Variants in UFM1 observed in about 807,000 individuals in gnomAD.
The protein encoded by UFM1 is ubiquitin fold modifier 1.
Under a neutral mutation model 15.4 loss-of-function variants are expected in UFM1, and 9 were observed. That is an observed-to-expected ratio of 0.59 (90% confidence interval 0.35 to 1.02). The LOEUF is 1.02. UFM1 is among the 50% of genes least tolerant of loss of function. The pLI is 0.02. For synonymous variants in UFM1, 27 were observed against 36.3 expected, an observed-to-expected ratio of 0.74 and a Z score of 0.92; for missense variants, 98 against 104.7, an observed-to-expected ratio of 0.94 and a Z score of 0.28.
At chr13:38,356,756 C>CACT (rs1879118806) in intron 3 of UFM1, among the ~76,000 whole-genome samples, 2 of 148,440 alleles carry the variant, frequency 1.3e-5, no homozygotes, top group Non-Finnish European at 3.0e-5. Context: ...TCAAAAAATA[C>CACT]GAGAAACACT....
intron 2 of UFM1, 155 bp downstream of exon 2, chr13:38,350,210 C>A (rs1197360749): frequency 1.2e-6 from 2 of 1,611,724 alleles, no homozygotes; most frequent in African/African-American, 2.7e-5. Context: ...CCTTTCCCAC[C>A]GGAGCCTGCG....
intron 3 of UFM1, among the ~76,000 whole-genome samples, chr13:38,356,330 T>C (rs1053097902): frequency 1.3e-5 from 2 of 151,884 alleles, no homozygotes; most frequent in Non-Finnish European, 3.0e-5. Context: ...TTTGGAAATC[T>C]GAGAGGCCTA....
chr13:38,349,992 TC>T lies in UFM1; in HGVS notation c.3-5del. Reference sequence around the variant, plus strand: ...CGACCCTGACTCTCTCCCGCTCTTTTCCTCAGGTCGAAGGTTTCCTTTAAGA... The same window carrying T: ...CGACCCTGACTCTCTCCCGCTCTTTTCTCAGGTCGAAGGTTTCCTTTAAGA... On this transcript the variant is annotated splice_region_variant and splice_polypyrimidine_tract_variant and intron_variant, in intron 1 of 5. Coordinates refer to ENST00000239878, the MANE Select transcript of UFM1 (RefSeq NM_016617.4). 1 of 1,614,054 alleles carries T rather than the reference TC, an allele frequency of 6.2e-7. No individual in the cohort carries two copies. The highest frequency in any genetic ancestry group is 8.5e-7 in the Non-Finnish European group (1 of 1,179,884).
intron 2 of UFM1, among the ~76,000 whole-genome samples, 178 bp from the exon 3 acceptor site, chr13:38,354,061 G>GTTA (rs201350733): frequency 4.4e-4 from 66 of 151,696 alleles, no homozygotes; most frequent in Non-Finnish European, 3.1e-4. Context: ...TGTTTGGGTT[G>GTTA]TTATTATTAT....
intron 2 of UFM1, among the ~76,000 whole-genome samples, chr13:38,352,235 C>T (rs566395205): frequency 9.9e-5 from 15 of 151,844 alleles, no homozygotes; most frequent in African/African-American, 3.6e-4. Context: ...ATAGCTGGGA[C>T]CACAGGTGTG....
chr13:38,350,211 G>A (rs1189681010), intron 2 of UFM1, 156 bp downstream of exon 2: 2 of 1,611,412 alleles, frequency 1.2e-6, no homozygotes, highest in African/African-American at 1.3e-5. Context: ...CTTTCCCACC[G>A]GAGCCTGCGA....
rs1460005197 is a variant in UFM1 at position 38,361,138 on chromosome 13, GATAAAA to G, written c.*364_*369del. On this transcript the variant is annotated 3_prime_UTR_variant, in exon 6 of 6. Transcript: ENST00000239878. ...TACTGAATCGTATATATTCATCTGA[GATAAAA>G]ATATAAAAAGAATTATGGACCCTGG... 1 of 163,302 alleles carries G rather than the reference GATAAAA, an allele frequency of 6.1e-6. No individual in the cohort carries two copies. Among genetic ancestry groups the G allele is most frequent in the African/African-American group, 2.4e-5 (1 of 41,890 alleles). 10.1% of individuals were successfully genotyped at this position (163,302 alleles called of 1,614,324 possible).
At chr13:38,354,474 TA>T in intron 3 of UFM1, 178 bp downstream of exon 3, 1 of 427,838 alleles carries the variant, frequency 2.3e-6, no homozygotes, top group East Asian at 3.5e-5. Flanking sequence ...AAGCATGAGT[TA>T]AACAAATTGA....
rs755323915 is a variant in UFM1, at chr13:38,350,066, C to T, written c.59+11C>T. The T allele has an allele frequency of 1.4e-5, 22 of 1,614,250 alleles. No homozygotes were observed. The highest frequency in any genetic ancestry group is 1.9e-5 in the Non-Finnish European group (22 of 1,180,052). ...GCTGCCGTACAAAGTGTGAGTAGCTCGGCCGAGATGGGCCTTTTGGGGCCG... is the reference window on the plus strand; with the variant it reads ...GCTGCCGTACAAAGTGTGAGTAGCTTGGCCGAGATGGGCCTTTTGGGGCCG... On this transcript the variant is annotated intron_variant, in intron 2 of 5. Transcript: ENST00000239878.
In UFM1 at chr13:38,363,406, A is replaced by G; in HGVS notation, c.*2628A>G. 1 of 152,146 alleles carries G rather than the reference A, an allele frequency of 6.6e-6. No individual in the cohort carries two copies. Among genetic ancestry groups the G allele is most frequent in the East Asian group, 1.9e-4 (1 of 5,186 alleles). 9.4% of individuals were successfully genotyped at this position (152,146 alleles called of 1,614,324 possible). A position where few individuals can be genotyped will look rare whatever the true frequency, so the allele number is the denominator to read the frequency against. On this transcript the variant is annotated 3_prime_UTR_variant, in exon 6 of 6. Coordinates refer to ENST00000239878, the MANE Select transcript of UFM1 (RefSeq NM_016617.4). ...ACATTCTGATGTTCACATAGTGACAAAATTGCCTAAGGAAGCATTTCTCAG... is the reference window on the plus strand; with the variant it reads ...ACATTCTGATGTTCACATAGTGACAGAATTGCCTAAGGAAGCATTTCTCAG...
Position 38,353,295 on chromosome 13 carries a change from TG to T in UFM1, c.60-942del, listed in dbSNP as rs143557650. ...GACACTTAAGAACAATACAATAATA[TG>T]GTGGACAAATAGAGAAGTTTCAGTG... On this transcript the variant is annotated intron_variant, in intron 2 of 5. Coordinates refer to ENST00000239878, the MANE Select transcript of UFM1 (RefSeq NM_016617.4). Among the ~76,000 whole-genome samples the T allele has an allele frequency of 4.8e-3, 724 of 152,236 alleles. 2 individuals are homozygous for T. The highest frequency in any genetic ancestry group is 0.016 in the African/African-American group (676 of 41,558).
In UFM1 at chr13:38,361,079, T is replaced by A; in HGVS notation, c.*301T>A. 2 of 214,388 alleles carry A rather than the reference T, an allele frequency of 9.3e-6. No homozygotes were observed. Among genetic ancestry groups the A allele is most frequent in the African/African-American group, 2.4e-5 (1 of 41,132 alleles). 13.3% of individuals were successfully genotyped at this position (214,388 alleles called of 1,614,324 possible). On this transcript the variant is annotated 3_prime_UTR_variant, in exon 6 of 6. Transcript: ENST00000239878. ...CTGTTAACTGGAAGCTTTTGATAAT[T>A]TTTTTTTTTAGAACAATTTGGAACA...
intron 2 of UFM1, among the ~76,000 whole-genome samples, chr13:38,352,919 TA>T (rs1001484241): frequency 6.6e-6 from 1 of 152,186 alleles, no homozygotes; most frequent in Non-Finnish European, 1.5e-5. Flanking sequence ...CTCAGATTCT[TA>T]ACTACATATA....
rs1413609524 is a variant in UFM1, at chr13:38,362,913, T to G, written c.*2135T>G. On this transcript the variant is annotated 3_prime_UTR_variant, in exon 6 of 6. Transcript: ENST00000239878. ...AAAAATGTGATCTGTAATTTCTTTGTGCAGAATGATTTGAAGTATTGTATT... is the reference window on the plus strand; with the variant it reads ...AAAAATGTGATCTGTAATTTCTTTGGGCAGAATGATTTGAAGTATTGTATT... 6.6e-6 allele frequency: 1 copy of G among 152,238 alleles called. No homozygotes were observed. Among genetic ancestry groups the G allele is most frequent in the Non-Finnish European group, 1.5e-5 (1 of 68,034 alleles). 9.4% of individuals were successfully genotyped at this position (152,238 alleles called of 1,614,324 possible).
Position 38,361,817 on chromosome 13 carries a change from T to A in UFM1, c.*1039T>A, listed in dbSNP as rs1432634785. On this transcript the variant is annotated 3_prime_UTR_variant, in exon 6 of 6. Transcript: ENST00000239878. ...AGGGGAACAGAAGGGGGTAGCAAAGTGTTACAGAAAAGCGGACTGGATAGA... is the reference window on the plus strand; with the variant it reads ...AGGGGAACAGAAGGGGGTAGCAAAGAGTTACAGAAAAGCGGACTGGATAGA... 8 of 152,256 alleles carry A rather than the reference T, an allele frequency of 5.3e-5. No individual in the cohort carries two copies. The highest frequency in any genetic ancestry group is 5.2e-4 in the Admixed American group (8 of 15,268). 9.4% of individuals were successfully genotyped at this position (152,256 alleles called of 1,614,324 possible). A position where few individuals can be genotyped will look rare whatever the true frequency, so the allele number is the denominator to read the frequency against.
At chr13:38,354,509 G>T in intron 3 of UFM1, 1 of 384,860 alleles carries the variant, frequency 2.6e-6, no homozygotes, top group Non-Finnish European at 4.6e-6. Flanking sequence ...TGCAACCATT[G>T]AAAATTATAA....
chr13:38,353,613 C>T (rs1878961932), intron 2 of UFM1, among the ~76,000 whole-genome samples: 2 of 151,960 alleles, frequency 1.3e-5, no homozygotes, highest in African/African-American at 4.8e-5. Flanking sequence ...AATCACTCAT[C>T]CCTCTCCAAA....
At position 38,358,359 on chromosome 13, in the gene UFM1, C is replaced by T. The variant is rs539904081; in HGVS notation, c.157+227C>T. Among the ~76,000 whole-genome samples the T allele has an allele frequency of 4.4e-4, 67 of 150,826 alleles. No homozygotes were observed. The South Asian group carries it at 0.013, about 30-fold the overall frequency. ...TATAGCACTTTATAATATCTTTTGT[C>T]CTTACCAGTTCATGCCAGATTATAA... On this transcript the variant is annotated intron_variant, in intron 4 of 5. Coordinates refer to ENST00000239878, the MANE Select transcript of UFM1 (RefSeq NM_016617.4).
chr13:38,357,542 A>G (rs1879160605), intron 3 of UFM1, among the ~76,000 whole-genome samples: 1 of 151,634 alleles, frequency 6.6e-6, no homozygotes, highest in Non-Finnish European at 1.5e-5. Context: ...AGCATATGAT[A>G]TAGTCCAGTT....
Sources: allele counts gnomAD v4.1 joint callset (sites outside exome capture counted in the v4.1 genomes callset), GRCh38; gene constraint gnomAD v4.1.1; transcripts MANE v1.5; gene names NCBI Gene and HGNC (gene_info 2026-07-23, HGNC 2026-07-21).